UBL3: variants seen among roughly 807,000 people sequenced by gnomAD.
UBL3 encodes the protein ubiquitin like 3.
A neutral mutation model predicts 18.4 loss-of-function variants in UBL3; 6 were observed. The observed-to-expected ratio is 0.33, with a 90% CI of 0.18 to 0.64. The LOEUF (loss-of-function observed/expected upper bound fraction) is 0.64, where lower values mean the gene tolerates loss of function less well. Ranked by LOEUF, UBL3 falls within the 30% of genes least tolerant of loss-of-function variation. The pLI is 0.76. For synonymous variants in UBL3, 49 were observed against 46.6 expected, an observed-to-expected ratio of 1.05 and a Z score of -0.21; for missense variants, 109 against 142.9, an observed-to-expected ratio of 0.76 and a Z score of 1.21.
chr13:29,788,898 T>TGTGTGTGTGTGTGTGCGC, intron 1 of UBL3, among the ~76,000 whole-genome samples: 1 of 17,684 alleles, frequency 5.7e-5, no homozygotes, highest in African/African-American at 1.7e-4. Flanking sequence ...CGCACGTGTG[T>TGTGTGTGTGTGTGTGCGC]GCGTGTGTGT....
At position 29,838,985 on chromosome 13, in the gene UBL3, G is replaced by A. The variant is rs148443073; in HGVS notation, c.27+10527C>T. ...GGAAAAAAACTTTAAAGCAAAAAAT[G>A]TTACTAGACAGGAAGACAGAACAAT... On this transcript the variant is annotated intron_variant, in intron 1 of 4. Transcript: ENST00000380680. Among the ~76,000 whole-genome samples the A allele has an allele frequency of 2.3e-3, 344 of 152,220 alleles. 2 individuals are homozygous for A. The highest frequency in any genetic ancestry group is 8.1e-3 in the African/African-American group (335 of 41,546).
intron 1 of UBL3, 193 bp from the exon 2 acceptor site, chr13:29,777,456 A>G (rs1877030361): frequency 2.9e-6 from 2 of 681,540 alleles, no homozygotes; most frequent in East Asian, 2.9e-5. Flanking sequence ...TATTATTTAA[A>G]GGGTGTGTGT....
At chr13:29,835,701 G>C (rs995076823) in intron 1 of UBL3, among the ~76,000 whole-genome samples, 9 of 133,604 alleles carry the variant, frequency 6.7e-5, no homozygotes, top group Non-Finnish European at 1.4e-4. Context: ...GTTGCAGTGA[G>C]TTGAGATCGC....
chr13:29,773,197 CT>C (rs1210339452), intron 2 of UBL3, among the ~76,000 whole-genome samples: 1 of 152,036 alleles, frequency 6.6e-6, no homozygotes, highest in Non-Finnish European at 1.5e-5. Context: ...TTCTTTTGCC[CT>C]TTTTTTGACT....
chr13:29,792,582 T>G (rs950035247), intron 1 of UBL3, among the ~76,000 whole-genome samples: 1 of 152,160 alleles, frequency 6.6e-6, no homozygotes, highest in African/African-American at 2.4e-5. Flanking sequence ...CTCAGACAAT[T>G]TGCATCAACC....
rs756519780 is a variant in UBL3 at position 29,849,575 on chromosome 13, A to C, written c.-37T>G. 17 of 1,611,624 alleles carry C rather than the reference A, an allele frequency of 1.1e-5. No homozygotes were observed. The East Asian group carries it at 3.1e-4, about 30-fold the overall frequency. ...ATATACACCCAGATGTTTACGAAAA[A>C]AACAAACAAAGAAAAAAGAGCAGAA... On this transcript the variant is annotated 5_prime_UTR_variant, in exon 1 of 5. Transcript: ENST00000380680.
chr13:29,795,755 GA>G (rs57782695), intron 1 of UBL3, among the ~76,000 whole-genome samples: 2,334 of 66,146 alleles, frequency 0.035, 50 homozygotes, highest in African/African-American at 0.098. Flanking sequence ...CCTCATCTCA[GA>G]AAAAAAAAAA....
chr13:29,831,810 AAAAC>A (rs1189666446), intron 1 of UBL3, among the ~76,000 whole-genome samples: 3 of 152,182 alleles, frequency 2.0e-5, no homozygotes, highest in Non-Finnish European at 4.4e-5. Context: ...ATACAAGTCA[AAAAC>A]AAACAAACAA....
intron 1 of UBL3, among the ~76,000 whole-genome samples, chr13:29,843,733 A>T (rs569403955): frequency 6.6e-6 from 1 of 152,350 alleles, no homozygotes; most frequent in South Asian, 2.1e-4. Flanking sequence ...ATTGTAAGGA[A>T]GATTTTCAAC....
At chr13:29,813,709 G>A (rs1234470574) in intron 1 of UBL3, among the ~76,000 whole-genome samples, 1 of 152,088 alleles carries the variant, frequency 6.6e-6, no homozygotes, top group Non-Finnish European at 1.5e-5. Context: ...TCACGGACTT[G>A]AAGCATCTGT....
intron 1 of UBL3, among the ~76,000 whole-genome samples, chr13:29,835,123 T>TATATAA (rs1878906053): frequency 5.5e-5 from 1 of 18,122 alleles, no homozygotes; most frequent in Non-Finnish European, 8.1e-5. Flanking sequence ...TATATATATA[T>TATATAA]AAATATATAT....
At chr13:29,834,200 A>G (rs75460114) in intron 1 of UBL3, among the ~76,000 whole-genome samples, 164 of 149,688 alleles carry the variant, frequency 1.1e-3, no homozygotes, top group African/African-American at 3.3e-3. Context: ...AAAAAAAAAA[A>G]GGAGTAAGAA....
At chr13:29,840,435 T>C (rs947179372) in intron 1 of UBL3, among the ~76,000 whole-genome samples, 2 of 152,220 alleles carry the variant, frequency 1.3e-5, no homozygotes, top group South Asian at 4.1e-4. Flanking sequence ...CTTCACAAAT[T>C]CTTCCAGAGT....
chr13:29,772,704 T>C (rs1403502024), intron 2 of UBL3, among the ~76,000 whole-genome samples: 1 of 152,116 alleles, frequency 6.6e-6, no homozygotes, highest in African/African-American at 2.4e-5. Flanking sequence ...TATATTATCT[T>C]ATTGTCTATC....
chr13:29,788,086 T>C (rs1877370988), intron 1 of UBL3, among the ~76,000 whole-genome samples: 1 of 152,206 alleles, frequency 6.6e-6, no homozygotes, highest in Admixed American at 6.5e-5. Context: ...TGAATAGTTC[T>C]AGCGCAAGGC....
At chr13:29,780,384 A>G (rs1485526123) in intron 1 of UBL3, among the ~76,000 whole-genome samples, 28 of 119,466 alleles carry the variant, frequency 2.3e-4, no homozygotes, top group African/African-American at 6.9e-4. Context: ...ATATATATAT[A>G]TATATATGTG....
At chr13:29,810,065 A>G (rs1593664471) in intron 1 of UBL3, among the ~76,000 whole-genome samples, 2 of 152,132 alleles carry the variant, frequency 1.3e-5, no homozygotes, top group South Asian at 4.1e-4. Context: ...GGCCCACTGT[A>G]TATTTTAGGA....
At chr13:29,801,493 C>G (rs748534610) in intron 1 of UBL3, among the ~76,000 whole-genome samples, 1 of 152,126 alleles carries the variant, frequency 6.6e-6, no homozygotes, top group African/African-American at 2.4e-5. Context: ...CCTCAACCCC[C>G]GCATTTTTCA....
intron 1 of UBL3, among the ~76,000 whole-genome samples, chr13:29,783,242 C>T (rs1479362393): frequency 2.6e-5 from 4 of 152,182 alleles, no homozygotes; most frequent in Admixed American, 2.6e-4. Flanking sequence ...AACATAAATG[C>T]TATCATTTAG....
Sources: gnomAD v4.1 joint callset for allele counts (sites outside exome capture counted in the v4.1 genomes callset) on GRCh38, gnomAD v4.1.1 for gene constraint, MANE v1.5 for transcripts, NCBI Gene and HGNC (gene_info 2026-07-23, HGNC 2026-07-21) for gene names.